Variants in RELN observed in about 807,000 individuals in gnomAD.
RELN encodes reelin.
A neutral mutation model predicts 427.6 loss-of-function variants in RELN; 108 were observed. The observed-to-expected ratio is 0.25, with a 90% CI of 0.22 to 0.30. The LOEUF (loss-of-function observed/expected upper bound fraction) is 0.30, where lower values mean the gene tolerates loss of function less well. Ranked by LOEUF, RELN falls within the 10% of genes least tolerant of loss-of-function variation. The probability of loss-of-function intolerance (pLI) is 1.00; values close to 1 mark genes in which losing one functional copy is unlikely to be tolerated. For missense variants in RELN, 3,715 were observed against 4,302.8 expected, an observed-to-expected ratio of 0.86 and a Z score of 3.82; for synonymous variants, 1,524 against 1,513.4, an observed-to-expected ratio of 1.01 and a Z score of -0.16.
At chr7:103,756,927 G>A (rs1230559054) in intron 4 of RELN, among the ~76,000 whole-genome samples, 1 of 152,078 alleles carries the variant, frequency 6.6e-6, no homozygotes, top group Admixed American at 6.5e-5. Flanking sequence ...GTAAAGTACC[G>A]GGCCTAGAAG....
intron 3 of RELN, among the ~76,000 whole-genome samples, chr7:103,815,047 T>C (rs925740482): frequency 6.6e-6 from 1 of 152,244 alleles, no homozygotes; most frequent in Non-Finnish European, 1.5e-5. Context: ...GAGTCTTTGC[T>C]GTATAATTTT....
At chr7:103,538,021 C>G (rs999595466) in intron 45 of RELN, among the ~76,000 whole-genome samples, 3 of 152,116 alleles carry the variant, frequency 2.0e-5, no homozygotes, top group African/African-American at 7.2e-5. Flanking sequence ...TGAGGTATCC[C>G]ATCAGGTAGT....
rs554051544 is a variant in RELN at position 103,952,014 on chromosome 7, T to C, written c.227-34829A>G. Reference sequence around the variant, plus strand: ...GCTTTTGAGCCCTTAAATCAAAAAGTCTGATGAACTGATATTCAGATATTC... The same window carrying C: ...GCTTTTGAGCCCTTAAATCAAAAAGCCTGATGAACTGATATTCAGATATTC... On this transcript the variant is annotated intron_variant, in intron 1 of 64. Transcript: ENST00000428762. 5.3e-5 allele frequency among the ~76,000 whole-genome samples: 8 copies of C among 152,374 alleles called. No individual in the cohort carries two copies. In the South Asian group the frequency reaches 1.7e-3, roughly 32 times the overall value.
chr7:103,551,334 G>A, intron 40 of RELN, 38 bp from the exon 41 acceptor site: 1 of 1,426,676 alleles, frequency 7.0e-7, no homozygotes, highest in South Asian at 1.2e-5. Flanking sequence ...AATTACCTCA[G>A]AGCAACAAGC....
chr7:103,838,212 A>G (rs1584283967), intron 2 of RELN, among the ~76,000 whole-genome samples: 1 of 61,748 alleles, frequency 1.6e-5, no homozygotes, highest in African/African-American at 5.4e-5. Flanking sequence ...TCGTCTCAAA[A>G]AAAAAAAAAA....
At chr7:103,941,113 G>A (rs896746973) in intron 1 of RELN, among the ~76,000 whole-genome samples, 11 of 150,822 alleles carry the variant, frequency 7.3e-5, no homozygotes, top group African/African-American at 1.7e-4. Flanking sequence ...AGGTTGACAC[G>A]AGACTGACAC....
At chr7:103,574,433 C>T (rs1423227693) in intron 29 of RELN, 134 bp from the exon 30 acceptor site, 13 of 759,972 alleles carry the variant, frequency 1.7e-5, no homozygotes, top group Non-Finnish European at 1.1e-5. Context: ...AAATTTGTAT[C>T]TCACAACTGT....
chr7:103,662,152 G>T (rs1833157231), intron 11 of RELN, among the ~76,000 whole-genome samples: 1 of 152,150 alleles, frequency 6.6e-6, no homozygotes, highest in Non-Finnish European at 1.5e-5. Flanking sequence ...GTGACCCTAT[G>T]AGGTAGTCAC....
chr7:103,692,429 C>A (rs1833891395), intron 10 of RELN, among the ~76,000 whole-genome samples: 3 of 152,102 alleles, frequency 2.0e-5, no homozygotes. Flanking sequence ...TAATACCTGC[C>A]TCTTGCCTCT....
chr7:103,543,651 A>G (rs1830222934), intron 42 of RELN, among the ~76,000 whole-genome samples: 1 of 152,172 alleles, frequency 6.6e-6, no homozygotes, highest in Admixed American at 6.5e-5. Flanking sequence ...CATCTCAAAA[A>G]ATAAATAAAA....
chr7:103,863,880 T>C (rs189712468), intron 2 of RELN, among the ~76,000 whole-genome samples: 232 of 152,260 alleles, frequency 1.5e-3, no homozygotes, highest in African/African-American at 5.1e-3. Flanking sequence ...ATCACTGTTT[T>C]GTTGGCTGAG....
intron 28 of RELN, among the ~76,000 whole-genome samples, chr7:103,578,639 C>A (rs975893775): frequency 6.6e-6 from 1 of 152,094 alleles, no homozygotes; most frequent in Admixed American, 6.5e-5. Context: ...TGGGATTGAA[C>A]ACAATTGATT....
chr7:103,678,242 A>G (rs1435691351), intron 11 of RELN, among the ~76,000 whole-genome samples: 1 of 152,198 alleles, frequency 6.6e-6, no homozygotes, highest in Non-Finnish European at 1.5e-5. Context: ...TCCATATTAT[A>G]GCAATGTTCT....
intron 3 of RELN, among the ~76,000 whole-genome samples, chr7:103,829,534 T>C (rs537814051): frequency 3.9e-5 from 6 of 152,136 alleles, no homozygotes; most frequent in South Asian, 2.1e-4. Context: ...AATTAACACT[T>C]AAAATATAAA....
At chr7:103,627,318 A>G (rs1832350238) in intron 20 of RELN, among the ~76,000 whole-genome samples, 1 of 152,134 alleles carries the variant, frequency 6.6e-6, no homozygotes, top group Non-Finnish European at 1.5e-5. Context: ...TAGGACTATG[A>G]GATTATAATA....
At chr7:103,618,282 A>G (rs769804071) in intron 20 of RELN, among the ~76,000 whole-genome samples, 1 of 152,190 alleles carries the variant, frequency 6.6e-6, no homozygotes, top group African/African-American at 2.4e-5. Context: ...GATGGTCCCC[A>G]TTCTATGGTA....
chr7:103,957,419 TC>T (rs1465590907), intron 1 of RELN, among the ~76,000 whole-genome samples: 1 of 152,050 alleles, frequency 6.6e-6, no homozygotes, highest in Non-Finnish European at 1.5e-5. Flanking sequence ...ATAACAACAG[TC>T]CTTTAACATG....
chr7:103,693,259 C>G (rs532464708), intron 10 of RELN, among the ~76,000 whole-genome samples: 1 of 151,818 alleles, frequency 6.6e-6, no homozygotes, highest in Non-Finnish European at 1.5e-5. Context: ...AAACCAAACA[C>G]CACATGTTCT....
intron 10 of RELN, among the ~76,000 whole-genome samples, chr7:103,683,514 T>C (rs1431976551): frequency 6.6e-6 from 1 of 152,178 alleles, no homozygotes; most frequent in Non-Finnish European, 1.5e-5. Flanking sequence ...GGTGGTCCTA[T>C]AATATTATAA....
Sources: gnomAD v4.1 joint callset for allele counts (sites outside exome capture counted in the v4.1 genomes callset) on GRCh38, gnomAD v4.1.1 for gene constraint, MANE v1.5 for transcripts, NCBI Gene and HGNC (gene_info 2026-07-23, HGNC 2026-07-21) for gene names.